CADM1: variants seen among roughly 807,000 people sequenced by gnomAD.
The protein encoded by CADM1 is cell adhesion molecule 1.
Under a neutral mutation model 53.1 loss-of-function variants are expected in CADM1, and 15 were observed. The observed-to-expected ratio is 0.28, with a 90% CI of 0.19 to 0.44. CADM1 has a LOEUF of 0.44. Ranked by LOEUF, CADM1 falls within the 20% of genes least tolerant of loss-of-function variation. The pLI, the probability that CADM1 is intolerant of heterozygous loss-of-function variation, is 1.00. For synonymous variants in CADM1, 281 were observed against 243.0 expected, an observed-to-expected ratio of 1.16 and a Z score of -1.45; for missense variants, 434 against 611.3, an observed-to-expected ratio of 0.71 and a Z score of 3.06.
At chr11:115,215,625 C>T (rs1941148707) in intron 6 of CADM1, among the ~76,000 whole-genome samples, 2 of 152,180 alleles carry the variant, frequency 1.3e-5, no homozygotes, top group Admixed American at 6.5e-5. Context: ...ATTTAAAGTG[C>T]CACATTTGTA....
At chr11:115,345,582 T>C (rs1591730112) in intron 1 of CADM1, among the ~76,000 whole-genome samples, 3 of 152,338 alleles carry the variant, frequency 2.0e-5, no homozygotes, top group Admixed American at 2.0e-4. Context: ...TCTCATAATG[T>C]GTAAAACTCA....
chr11:115,270,635 C>T (rs1943270921), intron 1 of CADM1, among the ~76,000 whole-genome samples: 1 of 152,120 alleles, frequency 6.6e-6, no homozygotes. Flanking sequence ...AAAAAGAAAG[C>T]TTTACAGACA....
intron 1 of CADM1, 142 bp downstream of exon 1, chr11:115,504,127 CCT>C: frequency 8.8e-6 from 11 of 1,245,442 alleles, no homozygotes; most frequent in Non-Finnish European, 1.2e-5. Context: ...CCCTCTCAGC[CCT>C]GAGTTTCCTC....
chr11:115,388,383 A>G (rs867096304), intron 1 of CADM1, among the ~76,000 whole-genome samples: 2 of 152,174 alleles, frequency 1.3e-5, no homozygotes, highest in Admixed American at 6.6e-5. Flanking sequence ...TCAAGCAAGG[A>G]TCATCAATAG....
rs1490550927 is a variant in CADM1, at chr11:115,175,939, C to T, written c.*535G>A. The T allele has an allele frequency of 2.0e-5, 20 of 1,016,238 alleles. No homozygotes were observed. The East Asian group carries it at 1.1e-3, about 54-fold the overall frequency. 63.0% of individuals were successfully genotyped at this position (1,016,238 alleles called of 1,614,324 possible). Reference sequence around the variant, plus strand: ...TACACTAAATTCTGAACTATGAAATCTAAGCTGTGCTGGTTCTCCTTTTAT... The same window carrying T: ...TACACTAAATTCTGAACTATGAAATTTAAGCTGTGCTGGTTCTCCTTTTAT... On this transcript the variant is annotated 3_prime_UTR_variant, in exon 12 of 12. Transcript: ENST00000331581.
chr11:115,402,651 C>T (rs1251052278), intron 1 of CADM1, among the ~76,000 whole-genome samples: 1 of 152,032 alleles, frequency 6.6e-6, no homozygotes, highest in African/African-American at 2.4e-5. Context: ...GCAAAAATGG[C>T]TCAAAACATG....
chr11:115,285,212 G>A (rs555555523), intron 1 of CADM1, among the ~76,000 whole-genome samples: 19 of 152,222 alleles, frequency 1.2e-4, no homozygotes, highest in African/African-American at 4.3e-4. Flanking sequence ...AAATCAGATC[G>A]AACACTTAGA....
chr11:115,264,243 T>C (rs1479763389), intron 1 of CADM1, among the ~76,000 whole-genome samples: 1 of 152,024 alleles, frequency 6.6e-6, no homozygotes, highest in Non-Finnish European at 1.5e-5. Context: ...GAATTGGGAG[T>C]TTAAAATACA....
At chr11:115,229,332 T>C in intron 4 of CADM1, 61 bp from the exon 5 acceptor site, 1 of 1,512,476 alleles carries the variant, frequency 6.6e-7, no homozygotes, top group South Asian at 1.1e-5. Flanking sequence ...AGTTTGTTTT[T>C]ATGTCCTCCC....
Position 115,339,128 on chromosome 11 carries a change from G to A in CADM1, c.125-98708C>T, listed in dbSNP as rs1363369720. Among the ~76,000 whole-genome samples, 3 of 139,674 alleles carry A rather than the reference G, an allele frequency of 2.1e-5. No homozygotes were observed. In the East Asian group the frequency reaches 6.3e-4, roughly 29 times the overall value. The allele number at this position is 139,674 out of a possible 152,430, so 91.6% of individuals were successfully genotyped here. On this transcript the variant is annotated intron_variant, in intron 1 of 11. Transcript: ENST00000331581. ...ATCTCATTGTTCAATTCCCACCTAT[G>A]AGTGAGAATATGCGGTGTTTGGTTT...
intron 1 of CADM1, among the ~76,000 whole-genome samples, chr11:115,259,454 C>A (rs181210757): frequency 1.3e-5 from 2 of 149,880 alleles, no homozygotes; most frequent in African/African-American, 4.9e-5. Flanking sequence ...TACAGGCACA[C>A]GCCACCACCC....
intron 5 of CADM1, among the ~76,000 whole-genome samples, chr11:115,219,786 G>T (rs1334317339): frequency 2.0e-5 from 3 of 152,098 alleles, no homozygotes; most frequent in African/African-American, 7.2e-5. Flanking sequence ...TCAGGTGTGG[G>T]TTTATTGTTT....
chr11:115,403,097 G>A (rs998752293), intron 1 of CADM1, among the ~76,000 whole-genome samples: 3 of 152,192 alleles, frequency 2.0e-5, no homozygotes, highest in Non-Finnish European at 4.4e-5. Flanking sequence ...TGAAGTTAAC[G>A]TTGCCAATAA....
intron 1 of CADM1, among the ~76,000 whole-genome samples, chr11:115,469,920 G>A (rs142191704): frequency 1.1e-4 from 17 of 152,164 alleles, no homozygotes; most frequent in African/African-American, 3.1e-4. Context: ...CATCCCACCC[G>A]CCTCGGCCTC....
intron 1 of CADM1, among the ~76,000 whole-genome samples, chr11:115,293,180 C>T (rs1292654891): frequency 6.6e-6 from 1 of 152,174 alleles, no homozygotes; most frequent in Non-Finnish European, 1.5e-5. Flanking sequence ...CGCCTGTAAT[C>T]CCAGCATTTT....
At chr11:115,462,664 G>C (rs891731187) in intron 1 of CADM1, among the ~76,000 whole-genome samples, 1 of 152,196 alleles carries the variant, frequency 6.6e-6, no homozygotes, top group Non-Finnish European at 1.5e-5. Context: ...AGAAAAACAT[G>C]ATTATGTTGA....
rs1446113300 is a variant in CADM1 at position 115,383,647 on chromosome 11, A to G, written c.124+120624T>C. ...AGAACAGACAGACGTGGCAGACTTT[A>G]AAAATTATCTTTTCCCCCCATGACT... On this transcript the variant is annotated intron_variant, in intron 1 of 11. Coordinates refer to ENST00000331581, the MANE Select transcript of CADM1 (RefSeq NM_001301043.2). Among the ~76,000 whole-genome samples the G allele has an allele frequency of 2.0e-5, 3 of 152,220 alleles. No homozygotes were observed. In the East Asian group the frequency reaches 5.8e-4, roughly 29 times the overall value.
At chr11:115,229,404 G>A (rs985477018) in intron 4 of CADM1, 133 bp from the exon 5 acceptor site, 3 of 811,844 alleles carry the variant, frequency 3.7e-6, no homozygotes, top group Non-Finnish European at 6.3e-6. Context: ...CTTGGGATGA[G>A]AGTAACCTGT....
At chr11:115,404,239 T>A (rs1325029485) in intron 1 of CADM1, among the ~76,000 whole-genome samples, 3 of 147,242 alleles carry the variant, frequency 2.0e-5, no homozygotes, top group African/African-American at 7.6e-5. Context: ...GGCAGGAGAA[T>A]TGCTTGAACC....
Sources: allele counts gnomAD v4.1 joint callset (sites outside exome capture counted in the v4.1 genomes callset), GRCh38; gene constraint gnomAD v4.1.1; transcripts MANE v1.5; gene names NCBI Gene and HGNC (gene_info 2026-07-23, HGNC 2026-07-21).